Variants in ATXN7L1 observed in about 807,000 individuals in gnomAD.
The protein encoded by ATXN7L1 is ataxin-7-like protein 1.
ATXN7L1 carries 15 observed loss-of-function variants against 70.8 expected under a neutral mutation model. The observed-to-expected ratio is 0.21, with a 90% CI of 0.14 to 0.33. ATXN7L1 has a LOEUF of 0.33. Ranked by LOEUF, ATXN7L1 falls within the 10% of genes least tolerant of loss-of-function variation. The pLI is 1.00. For synonymous variants in ATXN7L1, 440 were observed against 445.1 expected, an observed-to-expected ratio of 0.99 and a Z score of 0.14; for missense variants, 975 against 1,097.1, an observed-to-expected ratio of 0.89 and a Z score of 1.57.
intron 2 of ATXN7L1, among the ~76,000 whole-genome samples, chr7:105,867,737 C>A (rs1240214105): frequency 6.6e-6 from 1 of 152,210 alleles, no homozygotes; most frequent in Non-Finnish European, 1.5e-5. Flanking sequence ...ATTTCTGTAT[C>A]TTAGTCTATT....
chr7:105,643,246 C>T, intron 4 of ATXN7L1, 125 bp from the exon 5 acceptor site: 1 of 1,156,706 alleles, frequency 8.6e-7, no homozygotes, highest in Non-Finnish European at 1.2e-6. Context: ...CTTCTATAAG[C>T]AAGCAGCATG....
chr7:105,772,063 A>ATTTTTTTTTT (rs533366742), intron 3 of ATXN7L1, among the ~76,000 whole-genome samples: 2 of 99,788 alleles, frequency 2.0e-5, no homozygotes, highest in African/African-American at 9.4e-5. Context: ...TCAGATTGGA[A>ATTTTTTTTTT]TTTTTTTTTT....
intron 2 of ATXN7L1, among the ~76,000 whole-genome samples, chr7:105,844,328 CCAA>C (rs952920139): frequency 4.6e-5 from 7 of 152,110 alleles, no homozygotes; most frequent in African/African-American, 1.7e-4. Flanking sequence ...ATAAAAATCT[CCAA>C]CAAGATACTA....
Position 105,606,243 on chromosome 7 carries a change from T to C in ATXN7L1, c.*1609A>G, listed in dbSNP as rs1339906386. ...ACAAATCATTTTATATTAAAAAATT[T>C]AGTAATCCTATAAGAAACACTCACT... On this transcript the variant is annotated 3_prime_UTR_variant, in exon 12 of 12. Transcript: ENST00000419735. 1 of 152,216 alleles carries C rather than the reference T, an allele frequency of 6.6e-6. No individual in the cohort carries two copies. Among genetic ancestry groups the C allele is most frequent in the East Asian group, 1.9e-4 (1 of 5,202 alleles). 9.4% of individuals were successfully genotyped at this position (152,216 alleles called of 1,614,324 possible).
chr7:105,620,706 C>G (rs1794789071), intron 8 of ATXN7L1, among the ~76,000 whole-genome samples: 1 of 151,970 alleles, frequency 6.6e-6, no homozygotes, highest in Admixed American at 6.6e-5. Flanking sequence ...ACCAGTCTGG[C>G]CAACATGGTG....
At chr7:105,751,121 G>T (rs562556540) in intron 3 of ATXN7L1, among the ~76,000 whole-genome samples, 4 of 152,254 alleles carry the variant, frequency 2.6e-5, no homozygotes, top group Admixed American at 2.0e-4. Context: ...TGCCAGGAAG[G>T]GTGTCTAAGG....
intron 3 of ATXN7L1, among the ~76,000 whole-genome samples, chr7:105,699,883 C>G (rs139849809): frequency 2.0e-5 from 3 of 152,216 alleles, no homozygotes; most frequent in African/African-American, 7.2e-5. Context: ...GAAGGCCTGC[C>G]CCCACAATCC....
At chr7:105,858,949 A>C (rs905598545) in intron 2 of ATXN7L1, among the ~76,000 whole-genome samples, 4 of 152,086 alleles carry the variant, frequency 2.6e-5, no homozygotes, top group Non-Finnish European at 5.9e-5. Flanking sequence ...TGGGGGAGGG[A>C]CACTGTTCTA....
chr7:105,816,439 G>A (rs1197497070), intron 2 of ATXN7L1, among the ~76,000 whole-genome samples: 2 of 152,294 alleles, frequency 1.3e-5, no homozygotes, highest in African/African-American at 4.8e-5. Flanking sequence ...CTTAAAATGA[G>A]AGGTTAGGGT....
chr7:105,841,150 T>C (rs1451859839), intron 2 of ATXN7L1, among the ~76,000 whole-genome samples: 5 of 152,218 alleles, frequency 3.3e-5, no homozygotes, highest in Non-Finnish European at 5.9e-5. Context: ...CGGTGTCTAA[T>C]GGCATTGGAT....
Position 105,605,481 on chromosome 7 carries a change from G to A in ATXN7L1, c.*2371C>T, listed in dbSNP as rs569559260. On this transcript the variant is annotated 3_prime_UTR_variant, in exon 12 of 12. Transcript: ENST00000419735. ...AAGCAGCATTCGATGAGGGTGGGGG[G>A]GGGGGTGGGGGCTCTTTATTCCAGC... 3 of 98,668 alleles carry A rather than the reference G, an allele frequency of 3.0e-5. No homozygotes were observed. The highest frequency in any genetic ancestry group is 1.1e-4 in the African/African-American group (3 of 28,116). The allele number at this position is 98,668 out of a possible 1,614,324, so 6.1% of individuals were successfully genotyped here. A position where few individuals can be genotyped will look rare whatever the true frequency, so the allele number is the denominator to read the frequency against.
chr7:105,773,061 T>C (rs748975697), intron 3 of ATXN7L1, among the ~76,000 whole-genome samples: 4 of 152,192 alleles, frequency 2.6e-5, no homozygotes, highest in Non-Finnish European at 4.4e-5. Context: ...TCCCTCACCA[T>C]CCTTTACATC....
At chr7:105,816,811 G>A (rs1364751878) in intron 2 of ATXN7L1, among the ~76,000 whole-genome samples, 4 of 152,250 alleles carry the variant, frequency 2.6e-5, no homozygotes, top group South Asian at 2.1e-4. Flanking sequence ...AGTGCAGGGA[G>A]CACGGTGAGA....
intron 3 of ATXN7L1, among the ~76,000 whole-genome samples, chr7:105,781,437 C>T (rs1391700352): frequency 1.3e-5 from 2 of 152,088 alleles, no homozygotes; most frequent in Non-Finnish European, 2.9e-5. Context: ...GCACCTTGCA[C>T]CTCCTTGTTT....
intron 2 of ATXN7L1, among the ~76,000 whole-genome samples, chr7:105,797,188 T>C (rs1027519538): frequency 2.0e-5 from 3 of 152,242 alleles, no homozygotes; most frequent in African/African-American, 7.2e-5. Context: ...AAATGACTCC[T>C]GGCCTCTTCC....
chr7:105,862,469 C>G (rs1373737958), intron 2 of ATXN7L1, among the ~76,000 whole-genome samples: 1 of 152,156 alleles, frequency 6.6e-6, no homozygotes, highest in Non-Finnish European at 1.5e-5. Flanking sequence ...TCCTCTTTTC[C>G]AGTGGATCAC....
intron 3 of ATXN7L1, among the ~76,000 whole-genome samples, chr7:105,754,839 T>C (rs1361064265): frequency 6.6e-6 from 1 of 152,182 alleles, no homozygotes; most frequent in African/African-American, 2.4e-5. Context: ...GAGAATTGAA[T>C]GGTAAGCAAA....
At chr7:105,678,040 T>C (rs1346677516) in intron 3 of ATXN7L1, 3 of 984,156 alleles carry the variant, frequency 3.0e-6, no homozygotes, top group Admixed American at 6.1e-5. Context: ...CAGGAAGTTG[T>C]CTTGAAGTAG....
chr7:105,785,084 C>A (rs757409237), intron 3 of ATXN7L1, among the ~76,000 whole-genome samples: 1 of 152,248 alleles, frequency 6.6e-6, no homozygotes, highest in African/African-American at 2.4e-5. Flanking sequence ...GGGCAAAGCA[C>A]TGACCTCCTA....
Sources: gnomAD v4.1 joint callset for allele counts (sites outside exome capture counted in the v4.1 genomes callset) on GRCh38, gnomAD v4.1.1 for gene constraint, MANE v1.5 for transcripts, NCBI Gene and HGNC (gene_info 2026-07-23, HGNC 2026-07-21) for gene names.